Variants in RCAN1 observed in about 807,000 individuals in gnomAD.
RCAN1 encodes the protein calcipressin-1.
A neutral mutation model predicts 22.9 loss-of-function variants in RCAN1; 11 were observed. The observed-to-expected ratio is 0.48, with a 90% CI of 0.30 to 0.79. RCAN1 has a LOEUF of 0.79. Ranked by LOEUF, RCAN1 falls within the 30% of genes least tolerant of loss-of-function variation. The pLI is 0.06. For synonymous variants in RCAN1, 136 were observed against 142.3 expected (o/e 0.96, Z 0.32); for missense variants, 291 against 337.8 (o/e 0.86, Z 1.09).
intron 3 of RCAN1, among the ~76,000 whole-genome samples, chr21:34,519,901 C>T (rs1415940687): frequency 6.6e-6 from 1 of 152,170 alleles, no homozygotes; most frequent in Non-Finnish European, 1.5e-5. Flanking sequence ...GTTATTATAA[C>T]TGCACTGAAA....
At chr21:34,529,833 G>C (rs1985277615) in intron 1 of RCAN1, among the ~76,000 whole-genome samples, 1 of 152,134 alleles carries the variant, frequency 6.6e-6, no homozygotes. Context: ...AGGGACCCAG[G>C]GGGAGGTAAT....
intron 1 of RCAN1, among the ~76,000 whole-genome samples, chr21:34,579,876 A>C (rs1033950576): frequency 6.6e-6 from 1 of 152,226 alleles, no homozygotes; most frequent in Non-Finnish European, 1.5e-5. Context: ...ACTGGTTTGC[A>C]GTTGTGACCT....
chr21:34,540,430 C>T (rs867850896), intron 1 of RCAN1, among the ~76,000 whole-genome samples: 1 of 152,230 alleles, frequency 6.6e-6, no homozygotes. Context: ...AGAAATCACT[C>T]ATGTCTCCAT....
intron 3 of RCAN1, among the ~76,000 whole-genome samples, chr21:34,520,325 C>T (rs1414663544): frequency 3.3e-5 from 5 of 152,180 alleles, no homozygotes; most frequent in Non-Finnish European, 7.3e-5. Flanking sequence ...TTCTCCCATT[C>T]CTAACCTAGG....
At chr21:34,601,499 C>G (rs746455643) in intron 1 of RCAN1, among the ~76,000 whole-genome samples, 2 of 152,190 alleles carry the variant, frequency 1.3e-5, no homozygotes, top group Non-Finnish European at 2.9e-5. Flanking sequence ...CAACTCTAAA[C>G]TAAGGTGGGT....
At chr21:34,519,329 C>T (rs190262747) in intron 3 of RCAN1, among the ~76,000 whole-genome samples, 1 of 151,904 alleles carries the variant, frequency 6.6e-6, no homozygotes, top group Non-Finnish European at 1.5e-5. Flanking sequence ...GCCTCATGGT[C>T]AGTTTTCTTC....
intron 1 of RCAN1, among the ~76,000 whole-genome samples, chr21:34,568,855 T>G (rs1987127866): frequency 1.3e-5 from 2 of 152,212 alleles, no homozygotes; most frequent in African/African-American, 4.8e-5. Flanking sequence ...TACCCAAGAC[T>G]GGGAAGAAAA....
chr21:34,542,751 A>G (rs1047604626), intron 1 of RCAN1, among the ~76,000 whole-genome samples: 5 of 152,194 alleles, frequency 3.3e-5, no homozygotes, highest in Non-Finnish European at 7.3e-5. Context: ...TTAGACTCAG[A>G]AGGCGAGGTC....
chr21:34,548,766 G>A (rs1986243937), intron 1 of RCAN1, among the ~76,000 whole-genome samples: 1 of 152,162 alleles, frequency 6.6e-6, no homozygotes, highest in Admixed American at 6.5e-5. Context: ...ATCTACTAAA[G>A]TTTAGTTCAA....
At chr21:34,532,664 C>T (rs1035969734) in intron 1 of RCAN1, among the ~76,000 whole-genome samples, 4 of 152,234 alleles carry the variant, frequency 2.6e-5, no homozygotes, top group African/African-American at 9.6e-5. Context: ...TCCTCTTTGA[C>T]ACAAGAGTCA....
intron 1 of RCAN1, among the ~76,000 whole-genome samples, chr21:34,562,785 G>A (rs1986840301): frequency 1.3e-5 from 2 of 152,142 alleles, no homozygotes; most frequent in South Asian, 4.2e-4. Context: ...AGCTTGTGCA[G>A]TGGTGATGAA....
At chr21:34,601,880 G>T (rs1436990792) in intron 1 of RCAN1, among the ~76,000 whole-genome samples, 1 of 150,896 alleles carries the variant, frequency 6.6e-6, no homozygotes, top group African/African-American at 2.4e-5. Flanking sequence ...AGATAACAGT[G>T]ATCACATGTG....
chr21:34,573,202 C>T (rs1183170274), intron 1 of RCAN1, among the ~76,000 whole-genome samples: 2 of 152,136 alleles, frequency 1.3e-5, no homozygotes, highest in African/African-American at 2.4e-5. Flanking sequence ...TTAGCAGAGA[C>T]CATTCTGGGA....
chr21:34,607,344 T>C (rs570950559), intron 1 of RCAN1, among the ~76,000 whole-genome samples: 2 of 151,952 alleles, frequency 1.3e-5, no homozygotes, highest in Non-Finnish European at 2.9e-5. Context: ...CCTCTTTTTT[T>C]CCTCCAAATA....
At chr21:34,603,373 A>G (rs1988422414) in intron 1 of RCAN1, among the ~76,000 whole-genome samples, 1 of 83,778 alleles carries the variant, frequency 1.2e-5, no homozygotes, top group Admixed American at 1.5e-4. Flanking sequence ...GCTGGCTTGG[A>G]CTCCCGAAGT....
chr21:34,521,414 C>A, intron 3 of RCAN1, 85 bp downstream of exon 3: 1 of 1,603,942 alleles, frequency 6.2e-7, no homozygotes, highest in Non-Finnish European at 8.5e-7. Context: ...AGGAGAGCTA[C>A]GGGGGTAGTG....
chr21:34,520,996 A>C, intron 3 of RCAN1: 2 of 947,520 alleles, frequency 2.1e-6, no homozygotes, highest in African/African-American at 1.7e-5. Flanking sequence ...GGGGTAGGGC[A>C]GCCCGACCGC....
intron 1 of RCAN1, among the ~76,000 whole-genome samples, chr21:34,549,111 T>C (rs547364592): frequency 1.4e-4 from 22 of 152,274 alleles, no homozygotes; most frequent in African/African-American, 5.3e-4. Flanking sequence ...GGCTCTTCAC[T>C]GTCTCCATCC....
intron 1 of RCAN1, among the ~76,000 whole-genome samples, chr21:34,591,003 A>C (rs1987954502): frequency 6.6e-6 from 1 of 152,214 alleles, no homozygotes; most frequent in African/African-American, 2.4e-5. Flanking sequence ...ATCCGTGCAC[A>C]GCGAGGCCTC....
Sources: gnomAD v4.1 joint callset for allele counts (sites outside exome capture counted in the v4.1 genomes callset) on GRCh38, gnomAD v4.1.1 for gene constraint, MANE v1.5 for transcripts, NCBI Gene and HGNC (gene_info 2026-07-23, HGNC 2026-07-21) for gene names.